PKP4: variants seen among roughly 807,000 people sequenced by gnomAD.
PKP4 encodes the protein plakophilin-4.
Under a neutral mutation model 145.1 loss-of-function variants are expected in PKP4, and 90 were observed. The observed-to-expected ratio is 0.62, with a 90% CI of 0.52 to 0.74. The LOEUF is 0.74. PKP4 is among the 30% of genes least tolerant of loss of function. The pLI, the probability that PKP4 is intolerant of heterozygous loss-of-function variation, is 0.00. For synonymous variants in PKP4, 563 were observed against 577.2 expected (o/e 0.98, Z 0.35); for missense variants, 1,340 against 1,482.7 (o/e 0.90, Z 1.58).
chr2:158,670,897 G>T (rs967043157), intron 17 of PKP4, among the ~76,000 whole-genome samples: 5 of 152,172 alleles, frequency 3.3e-5, no homozygotes, highest in African/African-American at 1.2e-4. Flanking sequence ...CTATAAGTTT[G>T]CCTTAGTATC....
At chr2:158,656,656 A>G (rs2055960827) in intron 11 of PKP4, among the ~76,000 whole-genome samples, 2 of 152,210 alleles carry the variant, frequency 1.3e-5, no homozygotes, top group Admixed American at 6.5e-5. Context: ...GGTGCAGAGC[A>G]GAACACAAGA....
intron 1 of PKP4, among the ~76,000 whole-genome samples, chr2:158,469,899 T>C (rs1416391472): frequency 6.6e-6 from 1 of 152,230 alleles, no homozygotes; most frequent in East Asian, 1.9e-4. Context: ...GTTATGTCCT[T>C]CTCTGCCTGG....
chr2:158,493,442 C>A (rs1403789605), intron 1 of PKP4, among the ~76,000 whole-genome samples: 1 of 152,186 alleles, frequency 6.6e-6, no homozygotes, highest in African/African-American at 2.4e-5. Context: ...CTCACACCCT[C>A]CTTTAGCCTC....
chr2:158,459,543 A>G (rs1017477935), intron 1 of PKP4, among the ~76,000 whole-genome samples: 1 of 152,172 alleles, frequency 6.6e-6, no homozygotes, highest in African/African-American at 2.4e-5. Flanking sequence ...TTTTTCAGCT[A>G]TGTGCATAAT....
At chr2:158,584,960 G>A (rs946438713) in intron 3 of PKP4, among the ~76,000 whole-genome samples, 3 of 151,674 alleles carry the variant, frequency 2.0e-5, no homozygotes, top group Non-Finnish European at 4.4e-5. Context: ...TTTACAAATC[G>A]TAGTTTGTCT....
chr2:158,550,507 A>G (rs1204187697), intron 2 of PKP4, among the ~76,000 whole-genome samples: 4 of 152,198 alleles, frequency 2.6e-5, no homozygotes, highest in Non-Finnish European at 5.9e-5. Flanking sequence ...GTGTGACCCA[A>G]CAAGCACTTT....
chr2:158,546,954 T>C lies in PKP4; in HGVS notation c.132+13638T>C, dbSNP rs1166838136. Among the ~76,000 whole-genome samples the C allele has an allele frequency of 7.9e-5, 12 of 152,194 alleles. No individual in the cohort carries two copies. In the East Asian group the frequency reaches 2.3e-3, roughly 29 times the overall value. On this transcript the variant is annotated intron_variant, in intron 2 of 21. Coordinates refer to ENST00000389759, the MANE Select transcript of PKP4 (RefSeq NM_003628.6). ...TTTTCACAAAGGATATTATTGTATA[T>C]ATAGAAAATTCTTAAGCAGGAAGGA... is the stretch of plus-strand genomic sequence containing the variant.
chr2:158,467,547 G>C (rs1412671406), intron 1 of PKP4, among the ~76,000 whole-genome samples: 1 of 18,894 alleles, frequency 5.3e-5, no homozygotes, highest in Non-Finnish European at 1.1e-4. Context: ...GTGAGACCTT[G>C]TCAAAAAAAA....
At chr2:158,522,332 A>C (rs2042450057) in intron 1 of PKP4, among the ~76,000 whole-genome samples, 1 of 152,254 alleles carries the variant, frequency 6.6e-6, no homozygotes, top group African/African-American at 2.4e-5. Flanking sequence ...TATATATTAC[A>C]TCTATAATAT....
chr2:158,480,000 G>T (rs1693094673), intron 1 of PKP4, among the ~76,000 whole-genome samples: 1 of 152,176 alleles, frequency 6.6e-6, no homozygotes, highest in Non-Finnish European at 1.5e-5. Flanking sequence ...ATATCAGAAA[G>T]GGGAGATTCA....
In PKP4 at chr2:158,669,775, T is replaced by C. The variant is rs142640145; in HGVS notation, c.2784T>C (p.Ser928=). Residue 928 remains serine, a synonymous_variant, in exon 17 of 22, where the codon AGT becomes AGC. Transcript: ENST00000389759. ...GGCTCCCCGGCGGCAATGGCCCCAG[T>C]GTCTTGTCTGATGAGACCATGGCAG... The part of the protein sequence containing the change: ...VNRLPGGNGP[S]VLSDETMAAI... 1.6e-4 allele frequency: 250 copies of C among 1,611,130 alleles called. No homozygotes were observed. The African/African-American group carries it at 3.0e-3, about 19-fold the overall frequency.
chr2:158,504,612 G>A (rs1427526907), intron 1 of PKP4, among the ~76,000 whole-genome samples: 1 of 151,902 alleles, frequency 6.6e-6, no homozygotes, highest in African/African-American at 2.4e-5. Flanking sequence ...TAACTTAAAA[G>A]TTCTTTGAGG....
At chr2:158,680,155 G>A (rs2058345619) in intron 21 of PKP4, among the ~76,000 whole-genome samples, 1 of 152,148 alleles carries the variant, frequency 6.6e-6, no homozygotes, top group African/African-American at 2.4e-5. Context: ...GGTTTCTGGG[G>A]CCACCTGCCC....
At chr2:158,622,603 A>G (rs2052362452) in intron 6 of PKP4, among the ~76,000 whole-genome samples, 1 of 152,216 alleles carries the variant, frequency 6.6e-6, no homozygotes, top group Non-Finnish European at 1.5e-5. Flanking sequence ...ACGCCCACAG[A>G]GAAACATAAT....
chr2:158,497,541 G>GTTA (rs1319596769), intron 1 of PKP4, among the ~76,000 whole-genome samples: 1 of 152,168 alleles, frequency 6.6e-6, no homozygotes, highest in Non-Finnish European at 1.5e-5. Flanking sequence ...CAGTCTGTCA[G>GTTA]TTATTCTGGA....
chr2:158,459,094 G>C (rs1002529169), intron 1 of PKP4, among the ~76,000 whole-genome samples: 1 of 152,158 alleles, frequency 6.6e-6, no homozygotes, highest in African/African-American at 2.4e-5. Context: ...ATTGAGCTTA[G>C]ATTCTTTTTA....
chr2:158,638,714 G>A (rs933418267), intron 9 of PKP4, among the ~76,000 whole-genome samples: 3 of 152,174 alleles, frequency 2.0e-5, no homozygotes, highest in Non-Finnish European at 4.4e-5. Flanking sequence ...GGGCAAAATG[G>A]AGAAAATGAA....
At chr2:158,463,875 A>G (rs1325767179) in intron 1 of PKP4, among the ~76,000 whole-genome samples, 2 of 152,198 alleles carry the variant, frequency 1.3e-5, no homozygotes, top group Non-Finnish European at 2.9e-5. Flanking sequence ...TGGCTGAGTC[A>G]GTGGCTCCGT....
At chr2:158,583,131 G>A (rs549025537) in intron 3 of PKP4, among the ~76,000 whole-genome samples, 10 of 152,276 alleles carry the variant, frequency 6.6e-5, no homozygotes, top group Admixed American at 3.3e-4. Context: ...TGTCTCCCAC[G>A]GGCTAAGCAA....
Sources: gnomAD v4.1 joint callset for allele counts (sites outside exome capture counted in the v4.1 genomes callset) on GRCh38, gnomAD v4.1.1 for gene constraint, MANE v1.5 for transcripts, NCBI Gene and HGNC (gene_info 2026-07-23, HGNC 2026-07-21) for gene names.